EML1: variants seen among roughly 807,000 people sequenced by gnomAD.
EML1 encodes the protein EMAP like 1, also known as echinoderm microtubule-associated protein-like 1.
In EML1, 27 loss-of-function variants were observed where a neutral mutation model predicts 110.4. That is an observed-to-expected ratio of 0.24 (90% CI 0.18 to 0.34). EML1 has a LOEUF of 0.34. Among genes scored for constraint, EML1 ranks in the 10% least tolerant of loss-of-function variants. EML1 has a pLI of 1.00. For missense variants in EML1, 741 were observed against 1,030.9 expected (o/e 0.72, Z 3.85); for synonymous variants, 344 against 385.8 (o/e 0.89, Z 1.27).
chr14:99,897,314 A>G lies in EML1; in HGVS notation c.827+20A>G. 6.4e-7 allele frequency: 1 copy of G among 1,573,120 alleles called. No homozygotes were observed. Among genetic ancestry groups the G allele is most frequent in the Non-Finnish European group, 8.6e-7 (1 of 1,158,692 alleles). On this transcript the variant is annotated intron_variant, in intron 7 of 21. Coordinates refer to ENST00000262233, the MANE Select transcript of EML1 (RefSeq NM_004434.3). ...GAAGTGGTAAGTCCTGAAACAGGTC[A>G]TTCCTGCGACTCAGAAGGCGAAGGT... is the stretch of plus-strand genomic sequence containing the variant.
At chr14:99,748,768 C>T (rs4905892) in intron 1 of EML1, among the ~76,000 whole-genome samples, 19,802 of 152,240 alleles carry the variant, frequency 0.13, 1,311 homozygotes, top group East Asian at 0.21. Context: ...AAATTTAGAA[C>T]ACTTCCGTCG....
rs773164346 is a variant in EML1 at position 99,865,586 on chromosome 14, C to A, written c.323C>A (p.Thr108Asn). The A allele has an allele frequency of 1.2e-6, 2 of 1,614,250 alleles. No homozygotes were observed. Among genetic ancestry groups the A allele is most frequent in the South Asian group, 2.2e-5 (2 of 91,090 alleles). The change falls in exon 3 of 22, where the codon ACT becomes AAT. Residue 108 changes from threonine (T) to asparagine (N), a missense_variant. Around this residue, in one of 4 missense-constraint regions of EML1, gnomAD observed 226 missense variants for 255.6 expected, o/e 0.88. Coordinates refer to ENST00000262233, the MANE Select transcript of EML1 (RefSeq NM_004434.3). ...GGCACTGTGTTACCAAAGAAACCTACTGGCTCTCTACCATCCCCCTCCGGG... is the reference window on the plus strand; with the variant it reads ...GGCACTGTGTTACCAAAGAAACCTAATGGCTCTCTACCATCCCCCTCCGGG... ...NNGTVLPKKP[T>N]GSLPSPSGVR...
intron 1 of EML1, among the ~76,000 whole-genome samples, chr14:99,762,601 C>T (rs537578215): frequency 1.4e-4 from 21 of 152,288 alleles, no homozygotes; most frequent in Non-Finnish European, 2.9e-4. Context: ...AGTTCAAAAC[C>T]AGCCTGGGCA....
intron 1 of EML1, among the ~76,000 whole-genome samples, chr14:99,798,291 CTTTCT>C (rs1174382575): frequency 6.6e-6 from 1 of 151,802 alleles, no homozygotes; most frequent in Non-Finnish European, 1.5e-5. Flanking sequence ...GTCTGTATTT[CTTTCT>C]TAACTTGATA....
At position 99,806,316 on chromosome 14, in the gene EML1, CTTTTTTTTTTTTTTT is replaced by C. The variant is rs1198890041; in HGVS notation, c.67+12783_67+12797del. On this transcript the variant is annotated intron_variant, in intron 1 of 21. Coordinates refer to ENST00000262233, the MANE Select transcript of EML1 (RefSeq NM_004434.3). ...AGTTTTGGTATCCGATCTCCAGAAT[CTTTTTTTTTTTTTTT>C]TTTTTTTTTGAGACATTCTTGTTGC... Among the ~76,000 whole-genome samples, 652 of 87,794 alleles carry C rather than the reference CTTTTTTTTTTTTTTT, an allele frequency of 7.4e-3. 4 individuals are homozygous for C. Among genetic ancestry groups the C allele is most frequent in the African/African-American group, 0.03 (615 of 20,656 alleles). 57.6% of individuals were successfully genotyped at this position (87,794 alleles called of 152,430 possible). A position where few individuals can be genotyped will look rare whatever the true frequency, so the allele number is the denominator to read the frequency against.
rs962917596 is a variant in EML1, at chr14:99,815,275, G to A, written c.67+21732G>A. Among the ~76,000 whole-genome samples the A allele has an allele frequency of 5.3e-5, 8 of 151,830 alleles. No individual in the cohort carries two copies. The East Asian group carries it at 5.8e-4, about 11-fold the overall frequency. ...TCCTGCCTCAGCCTTCCAAGTAGCT[G>A]GGACTACAGGCACCTGCCACCACTC... On this transcript the variant is annotated intron_variant, in intron 1 of 21. Coordinates refer to ENST00000262233, the MANE Select transcript of EML1 (RefSeq NM_004434.3).
chr14:99,862,075 A>G (rs541015817), intron 2 of EML1, among the ~76,000 whole-genome samples: 8 of 152,284 alleles, frequency 5.3e-5, no homozygotes, highest in Admixed American at 4.6e-4. Context: ...AGCCTCCTCC[A>G]GGCTGACAGT....
intron 6 of EML1, 56 bp downstream of exon 6, chr14:99,894,814 G>C: frequency 6.5e-7 from 1 of 1,528,036 alleles, no homozygotes; most frequent in Non-Finnish European, 8.8e-7. Context: ...ATCAATGCTT[G>C]ATGTTAACTG....
chr14:99,866,530 A>C (rs1019880807), intron 3 of EML1, among the ~76,000 whole-genome samples: 2 of 139,072 alleles, frequency 1.4e-5, no homozygotes, highest in African/African-American at 5.3e-5. Flanking sequence ...AGATTGCACC[A>C]TTGCACCCCA....
intron 2 of EML1, among the ~76,000 whole-genome samples, chr14:99,851,528 C>T (rs2058802314): frequency 6.6e-6 from 1 of 151,960 alleles, no homozygotes; most frequent in Admixed American, 6.5e-5. Context: ...AGGATGGTCT[C>T]GATCTCCTGA....
intron 1 of EML1, among the ~76,000 whole-genome samples, chr14:99,839,281 C>T (rs2058596012): frequency 1.3e-5 from 2 of 152,086 alleles, no homozygotes; most frequent in Admixed American, 6.5e-5. Flanking sequence ...GCTTGTGATT[C>T]TGGCATATAA....
At chr14:99,868,802 CT>C (rs2059145802) in intron 3 of EML1, among the ~76,000 whole-genome samples, 1 of 151,952 alleles carries the variant, frequency 6.6e-6, no homozygotes. Context: ...CTATTCTCCA[CT>C]TCATTTATCT....
upstream of EML1, among the ~76,000 whole-genome samples, chr14:99,772,768 CACA>C (rs2057440519): frequency 2.0e-5 from 3 of 152,140 alleles, no homozygotes; most frequent in Admixed American, 2.0e-4. Context: ...TGCTATATTT[CACA>C]ACATTTCATT....
chr14:99,920,091 GTACTGTGTGCTTATCAGAGGA>G (rs1164844720), intron 16 of EML1, among the ~76,000 whole-genome samples: 4 of 152,146 alleles, frequency 2.6e-5, no homozygotes, highest in African/African-American at 9.7e-5. Flanking sequence ...CATTTAGTGG[GTACTGTGTGCTTATCAGAGGA>G]TACAAAGCAC....
chr14:99,933,261 T>C (rs1442567976), intron 17 of EML1, among the ~76,000 whole-genome samples: 1 of 152,184 alleles, frequency 6.6e-6, no homozygotes, highest in Non-Finnish European at 1.5e-5. Flanking sequence ...CTGCAACCTC[T>C]GCCTCCCGAG....
rs2060575890 is a variant in EML1, at chr14:99,940,801, A to T, written c.*689A>T. ...CCGTCCTGCCTAACCAGATGCGGTC[A>T]GCCTCTTCACACCCACCTGGCTTGC... On this transcript the variant is annotated 3_prime_UTR_variant, in exon 22 of 22. Coordinates refer to ENST00000262233, the MANE Select transcript of EML1 (RefSeq NM_004434.3). The T allele has an allele frequency of 6.6e-6, 1 of 152,252 alleles. No homozygotes were observed. The highest frequency in any genetic ancestry group is 1.5e-5 in the Non-Finnish European group (1 of 68,054). 9.4% of individuals were successfully genotyped at this position (152,252 alleles called of 1,614,324 possible).
chr14:99,787,268 CTTTTTTT>C (rs34680462), intron 1 of EML1, among the ~76,000 whole-genome samples: 4 of 101,612 alleles, frequency 3.9e-5, no homozygotes, highest in Admixed American at 3.3e-4. Flanking sequence ...CTCTGAGATT[CTTTTTTT>C]TTTTTTTTTT....
intron 1 of EML1, among the ~76,000 whole-genome samples, chr14:99,803,582 CCT>C (rs768322423): frequency 2.6e-5 from 4 of 152,202 alleles, no homozygotes; most frequent in Non-Finnish European, 4.4e-5. Context: ...CTGCTGAATG[CCT>C]CTCGCTAGAC....
chr14:99,894,105 C>T (rs1358814797), intron 5 of EML1, among the ~76,000 whole-genome samples: 1 of 152,086 alleles, frequency 6.6e-6, no homozygotes, highest in Non-Finnish European at 1.5e-5. Flanking sequence ...TCCTAGCATG[C>T]ACTTCTGCTG....
Sources: allele counts gnomAD v4.1 joint callset (sites outside exome capture counted in the v4.1 genomes callset), GRCh38; gene constraint gnomAD v4.1.1; regional missense constraint gnomAD v4.1.1; transcripts MANE v1.5; gene names NCBI Gene and HGNC (gene_info 2026-07-23, HGNC 2026-07-21).